The following KCNIP4 variants were observed in gnomAD, a reference collection of about 807,000 sequenced individuals.
KCNIP4 encodes Kv channel-interacting protein 4.
In KCNIP4, 12 loss-of-function variants were observed where a neutral mutation model predicts 34.0. The ratio of observed to expected loss-of-function variants is 0.35; its 90% confidence interval spans 0.23 to 0.57. The LOEUF is 0.57. Among genes scored for constraint, KCNIP4 ranks in the 20% least tolerant of loss-of-function variants. The probability of loss-of-function intolerance (pLI) is 0.83; values close to 1 mark genes in which losing one functional copy is unlikely to be tolerated. For missense variants in KCNIP4, 238 were observed against 311.7 expected (o/e 0.76, Z 1.78); for synonymous variants, 124 against 102.2 (o/e 1.21, Z -1.29).
At chr4:21,360,488 C>T (rs1719100326) in intron 1 of KCNIP4, among the ~76,000 whole-genome samples, 1 of 151,992 alleles carries the variant, frequency 6.6e-6, no homozygotes. Context: ...AAGTGACATG[C>T]TGTGGGGAAA....
intron 1 of KCNIP4, among the ~76,000 whole-genome samples, chr4:21,177,858 T>TTATATATATATATATATATATATATATA (rs3080785): frequency 1.3e-4 from 18 of 139,310 alleles, no homozygotes; most frequent in African/African-American, 4.6e-4. Flanking sequence ...AAAAAAAAAA[T>TTATATATATATATATATATATATATATA]TATATATATA....
At chr4:21,280,717 A>C (rs1239435520) in intron 1 of KCNIP4, among the ~76,000 whole-genome samples, 1 of 152,238 alleles carries the variant, frequency 6.6e-6, no homozygotes, top group African/African-American at 2.4e-5. Flanking sequence ...AGATCCTTGC[A>C]ATGTGTTAAG....
intron 1 of KCNIP4, among the ~76,000 whole-genome samples, chr4:20,952,440 T>C (rs1732877596): frequency 6.6e-6 from 1 of 152,194 alleles, no homozygotes; most frequent in Non-Finnish European, 1.5e-5. Context: ...GTTATTACCA[T>C]ACTTATTCTT....
chr4:21,509,551 A>G (rs909314796), intron 1 of KCNIP4, among the ~76,000 whole-genome samples: 8 of 152,128 alleles, frequency 5.3e-5, no homozygotes, highest in Non-Finnish European at 1.2e-4. Flanking sequence ...AATCCTCACA[A>G]TCCTATAGCC....
At chr4:20,954,515 A>G (rs1733099923) in intron 1 of KCNIP4, among the ~76,000 whole-genome samples, 1 of 152,230 alleles carries the variant, frequency 6.6e-6, no homozygotes, top group Non-Finnish European at 1.5e-5. Context: ...AAGAAGGTAT[A>G]ATCATCATGA....
At position 21,431,056 on chromosome 4, in the gene KCNIP4, T is replaced by TA. The variant is rs1429646553; in HGVS notation, c.61+517514dup. 4.6e-5 allele frequency among the ~76,000 whole-genome samples: 7 copies of TA among 152,042 alleles called. No homozygotes were observed. In the East Asian group the frequency reaches 9.7e-4, roughly 21 times the overall value. ...TTACCAGAACTATTTCATTCAATAA[T>TA]AAAAAATATGGAGGCTGAGGTTGAT... On this transcript the variant is annotated intron_variant, in intron 1 of 8. Transcript: ENST00000382152.
intron 1 of KCNIP4, among the ~76,000 whole-genome samples, chr4:21,397,816 G>A (rs1204578892): frequency 1.3e-5 from 2 of 152,122 alleles, no homozygotes; most frequent in African/African-American, 4.8e-5. Flanking sequence ...ATAGTTCGCT[G>A]CCCTTGAGTA....
At chr4:21,036,661 G>C (rs1741471340) in intron 1 of KCNIP4, among the ~76,000 whole-genome samples, 1 of 152,208 alleles carries the variant, frequency 6.6e-6, no homozygotes, top group Admixed American at 6.5e-5. Flanking sequence ...GGGAGGCGGA[G>C]GTTGCAGTGA....
intron 5 of KCNIP4, among the ~76,000 whole-genome samples, chr4:20,739,707 C>T (rs939637301): frequency 5.3e-5 from 8 of 152,160 alleles, no homozygotes; most frequent in Admixed American, 3.3e-4. Flanking sequence ...CGCACCTCCT[C>T]GCCAGCAATG....
intron 1 of KCNIP4, among the ~76,000 whole-genome samples, chr4:21,410,076 A>G (rs1724351122): frequency 6.6e-6 from 1 of 152,214 alleles, no homozygotes; most frequent in South Asian, 2.1e-4. Flanking sequence ...CAGTAAATAC[A>G]CTGCAGAGTT....
At chr4:21,221,576 G>A (rs538188008) in intron 1 of KCNIP4, among the ~76,000 whole-genome samples, 22 of 152,156 alleles carry the variant, frequency 1.4e-4, no homozygotes, top group East Asian at 1.2e-3. Context: ...CAGGGGAACC[G>A]CACCCATGAT....
chr4:21,832,822 T>G (rs1405919923), intron 1 of KCNIP4, among the ~76,000 whole-genome samples: 6 of 147,834 alleles, frequency 4.1e-5, no homozygotes, highest in Admixed American at 6.8e-5. Context: ...TTCCCACCTA[T>G]GAGTGAGAAT....
intron 1 of KCNIP4, among the ~76,000 whole-genome samples, chr4:21,886,919 T>C (rs1726801180): frequency 6.6e-6 from 1 of 152,094 alleles, no homozygotes; most frequent in Non-Finnish European, 1.5e-5. Flanking sequence ...AGTGTGAGCG[T>C]TCATTTGAAG....
chr4:21,792,316 T>C (rs1467712787), intron 1 of KCNIP4, among the ~76,000 whole-genome samples: 2 of 152,256 alleles, frequency 1.3e-5, no homozygotes, highest in Middle Eastern at 3.4e-3. Flanking sequence ...ACTTGAGACA[T>C]GGTCAGTCAT....
At chr4:21,551,666 C>T (rs1378415589) in intron 1 of KCNIP4, among the ~76,000 whole-genome samples, 1 of 148,730 alleles carries the variant, frequency 6.7e-6, no homozygotes, top group East Asian at 1.9e-4. Context: ...GGAGAGGGCA[C>T]ATTATAATTT....
chr4:21,613,684 G>A (rs999927103), intron 1 of KCNIP4: 2 of 152,148 alleles, frequency 1.3e-5, no homozygotes, highest in Non-Finnish European at 2.9e-5. Flanking sequence ...ATCCCTTCAT[G>A]TTGTCCAGGT....
intron 1 of KCNIP4, among the ~76,000 whole-genome samples, chr4:21,014,398 C>T (rs976789145): frequency 8.5e-5 from 13 of 152,140 alleles, no homozygotes; most frequent in African/African-American, 2.9e-4. Context: ...GGAATCACCT[C>T]GCCTTAAAGG....
At chr4:21,201,529 C>A (rs541996995) in intron 1 of KCNIP4, among the ~76,000 whole-genome samples, 1 of 152,186 alleles carries the variant, frequency 6.6e-6, no homozygotes, top group African/African-American at 2.4e-5. Context: ...TGGACTCTCG[C>A]TCTCTGTTGC....
At chr4:20,936,440 G>A (rs1731072737) in intron 1 of KCNIP4, among the ~76,000 whole-genome samples, 3 of 150,206 alleles carry the variant, frequency 2.0e-5, no homozygotes, top group Admixed American at 1.3e-4. Flanking sequence ...ATAAGGCCCC[G>A]TCCTAAAGAT....
Sources: gnomAD v4.1 joint callset for allele counts (sites outside exome capture counted in the v4.1 genomes callset) on GRCh38, gnomAD v4.1.1 for gene constraint, MANE v1.5 for transcripts, NCBI Gene and HGNC (gene_info 2026-07-23, HGNC 2026-07-21) for gene names.